The following GRIP1 variants were observed in gnomAD, a reference collection of about 807,000 sequenced individuals.
The protein encoded by GRIP1 is glutamate receptor interacting protein 1.
In GRIP1, 45 loss-of-function variants were observed where a neutral mutation model predicts 129.9. The observed-to-expected ratio is 0.35, with a 90% confidence interval of 0.27 to 0.44. The LOEUF is 0.44. Among genes scored for constraint, GRIP1 ranks in the 20% least tolerant of loss-of-function variants. The probability of loss-of-function intolerance (pLI) is 1.00; values close to 1 mark genes in which losing one functional copy is unlikely to be tolerated. For missense variants in GRIP1, 1,196 were observed against 1,396.8 expected (o/e 0.86, Z 2.29); for synonymous variants, 530 against 520.8 (o/e 1.02, Z -0.24).
chr12:66,927,696 G>A (rs1444990104), intron 1 of GRIP1, among the ~76,000 whole-genome samples: 3 of 152,110 alleles, frequency 2.0e-5, no homozygotes, highest in Admixed American at 6.6e-5. Context: ...TACCCACCTC[G>A]TATCCACCCT....
At chr12:66,664,973 TA>T (rs1273920410) in intron 1 of GRIP1, among the ~76,000 whole-genome samples, 25 of 152,220 alleles carry the variant, frequency 1.6e-4, no homozygotes, top group African/African-American at 6.0e-4. Context: ...CTTCTGAAAA[TA>T]CCAGAATAAA....
intron 1 of GRIP1, among the ~76,000 whole-genome samples, chr12:66,661,020 A>G (rs2033468614): frequency 6.6e-6 from 1 of 152,134 alleles, no homozygotes; most frequent in Admixed American, 6.6e-5. Context: ...TTGAAGTTGG[A>G]ATGAATGTTA....
rs1816987965 is a variant in GRIP1, at chr12:66,556,964, G to A, written c.137-15014C>T. Reference sequence around the variant, plus strand: ...CAAAACTAATAACAAAATGGCAGGAGTAAATCCTTACTTATCAATAATAAC... The same window carrying A: ...CAAAACTAATAACAAAATGGCAGGAATAAATCCTTACTTATCAATAATAAC... On this transcript the variant is annotated intron_variant, in intron 2 of 24. Coordinates refer to ENST00000359742, the MANE Select transcript of GRIP1 (RefSeq NM_001366722.1). Among the ~76,000 whole-genome samples, 5 of 151,728 alleles carry A rather than the reference G, an allele frequency of 3.3e-5. No individual in the cohort carries two copies. In the South Asian group the frequency reaches 1.0e-3, roughly 32 times the overall value.
In GRIP1 at chr12:66,432,637, A is replaced by AAAAC; in HGVS notation, c.1688-13_1688-10dup. On this transcript the variant is annotated splice_polypyrimidine_tract_variant and intron_variant, in intron 13 of 24. Transcript: ENST00000359742. ...ACTTGGGATGACAGACTCTAATATC[A>AAAAC]AAACAAAAAAGAATGTGTTAATAGA... The AAAAC allele has an allele frequency of 6.5e-7, 1 of 1,531,986 alleles. No individual in the cohort carries two copies. Among genetic ancestry groups the AAAAC allele is most frequent in the Non-Finnish European group, 9.0e-7 (1 of 1,106,674 alleles). 94.9% of individuals were successfully genotyped at this position (1,531,986 alleles called of 1,614,324 possible).
intron 1 of GRIP1, among the ~76,000 whole-genome samples, chr12:66,785,305 A>AACATACATACATACAT (rs765557975): frequency 3.8e-5 from 4 of 103,958 alleles, no homozygotes; most frequent in East Asian, 2.7e-4. Flanking sequence ...CCAAGAATTT[A>AACATACATACATACAT]ACATACATAC....
At chr12:66,687,016 G>A (rs1253909243) in intron 1 of GRIP1, among the ~76,000 whole-genome samples, 10 of 152,100 alleles carry the variant, frequency 6.6e-5, no homozygotes, top group Non-Finnish European at 1.5e-4. Context: ...AACCATGATT[G>A]TGCCACTGCA....
chr12:66,622,743 C>A (rs1353701230), intron 1 of GRIP1, among the ~76,000 whole-genome samples: 1 of 152,038 alleles, frequency 6.6e-6, no homozygotes, highest in Non-Finnish European at 1.5e-5. Context: ...ATCTGGAATT[C>A]TCTGTCTCTA....
chr12:66,385,440 A>C (rs2056312966), intron 19 of GRIP1, among the ~76,000 whole-genome samples: 1 of 151,932 alleles, frequency 6.6e-6, no homozygotes, highest in African/African-American at 2.4e-5. Context: ...GGAGGCTGAG[A>C]TAGGAGAGTC....
At chr12:66,617,085 T>TGTGTG (rs370300223) in intron 1 of GRIP1, among the ~76,000 whole-genome samples, 3,752 of 135,472 alleles carry the variant, frequency 0.028, 118 homozygotes, top group Admixed American at 0.051. Flanking sequence ...AACAGACGTT[T>TGTGTG]TGTGTGTGTG....
intron 7 of GRIP1, among the ~76,000 whole-genome samples, chr12:66,494,442 T>C (rs923610638): frequency 6.6e-6 from 1 of 152,222 alleles, no homozygotes; most frequent in Non-Finnish European, 1.5e-5. Flanking sequence ...TCTGCTATAG[T>C]TTCTTTCAAT....
chr12:66,678,801 A>G (rs2034455204), intron 1 of GRIP1, 49 bp downstream of exon 1: 1 of 1,525,636 alleles, frequency 6.6e-7, no homozygotes, highest in African/African-American at 1.4e-5. Flanking sequence ...CTGTGTTTAT[A>G]GGATACTGCA....
In GRIP1 at chr12:66,891,453, C is replaced by T. The variant is rs372468845; in HGVS notation, c.58+177597G>A. ...TGGCCTGGCTGCAGTCAGGAAGTAA[C>T]AAGAAAGGATTTCTCTCCCATCTGA... On this transcript the variant is annotated intron_variant, in intron 1 of 1. Transcript: ENST00000643019. Among the ~76,000 whole-genome samples the T allele has an allele frequency of 1.2e-4, 18 of 152,236 alleles. No homozygotes were observed. The South Asian group carries it at 3.5e-3, about 30-fold the overall frequency.
intron 6 of GRIP1, 53 bp downstream of exon 6, chr12:66,517,848 C>T: frequency 4.3e-6 from 4 of 928,948 alleles, no homozygotes; most frequent in South Asian, 2.6e-5. Flanking sequence ...ATGTTAAAGT[C>T]CCCAGCTTTA....
intron 1 of GRIP1, among the ~76,000 whole-genome samples, chr12:67,054,123 TC>T (rs2043393022): frequency 6.6e-6 from 1 of 152,216 alleles, no homozygotes; most frequent in Admixed American, 6.5e-5. Flanking sequence ...TATAAATTGT[TC>T]CTGATTCTTC....
intron 2 of GRIP1, among the ~76,000 whole-genome samples, chr12:66,571,789 A>G (rs2062968955): frequency 6.6e-6 from 1 of 152,172 alleles, no homozygotes; most frequent in South Asian, 2.1e-4. Context: ...TGGTTATTGT[A>G]TTTCTAAAGT....
chr12:66,763,924 A>G (rs139764155), intron 1 of GRIP1, among the ~76,000 whole-genome samples: 448 of 152,334 alleles, frequency 2.9e-3, no homozygotes, highest in African/African-American at 0.01. Flanking sequence ...GACACAAATT[A>G]CAAAGTGGTG....
chr12:66,732,162 T>G (rs1360950618), intron 1 of GRIP1, among the ~76,000 whole-genome samples: 1 of 152,156 alleles, frequency 6.6e-6, no homozygotes, highest in African/African-American at 2.4e-5. Flanking sequence ...CCACCTTCTC[T>G]ACCTCTTCTG....
rs1555177931 is a variant in GRIP1 at position 66,401,598 on chromosome 12, GTA to G, written c.1984+4683_1984+4684del. Among the ~76,000 whole-genome samples the G allele has an allele frequency of 7.4e-4, 49 of 66,272 alleles. 3 individuals carry two copies. Among genetic ancestry groups the G allele is most frequent in the African/African-American group, 3.0e-3 (49 of 16,342 alleles). The allele number at this position is 66,272 out of a possible 152,430, so 43.5% of individuals were successfully genotyped here. On this transcript the variant is annotated intron_variant, in intron 16 of 24. Coordinates refer to ENST00000359742, the MANE Select transcript of GRIP1 (RefSeq NM_001366722.1). ...CCGTCTCAAAAAAAAAAATATGTGT[GTA>G]TATATATATACACACACACACACAC... is the stretch of plus-strand genomic sequence containing the variant.
chr12:66,881,707 A>T (rs1188592289), intron 1 of GRIP1, among the ~76,000 whole-genome samples: 2 of 152,122 alleles, frequency 1.3e-5, no homozygotes, highest in Non-Finnish European at 2.9e-5. Context: ...AATTTCCAGC[A>T]AAGTTATCTA....
Sources: gnomAD v4.1 joint callset for allele counts (sites outside exome capture counted in the v4.1 genomes callset) on GRCh38, gnomAD v4.1.1 for gene constraint, MANE v1.5 for transcripts, NCBI Gene and HGNC (gene_info 2026-07-23, HGNC 2026-07-21) for gene names.